The following CACNA2D4 variants were observed in gnomAD, a reference collection of about 807,000 sequenced individuals.
CACNA2D4 encodes the protein calcium voltage-gated channel auxiliary subunit alpha2delta 4.
Under a neutral mutation model 163.8 loss-of-function variants are expected in CACNA2D4, and 157 were observed. The observed-to-expected ratio is 0.96, with a 90% CI of 0.84 to 1.09. The LOEUF (loss-of-function observed/expected upper bound fraction) is 1.09, where lower values mean the gene tolerates loss of function less well. CACNA2D4 is among the 50% of genes least tolerant of loss of function. The pLI, the probability that CACNA2D4 is intolerant of heterozygous loss-of-function variation, is 0.00. For missense variants in CACNA2D4, 1,410 were observed against 1,479.9 expected (o/e 0.95, Z 0.78); for synonymous variants, 598 against 586.9 (o/e 1.02, Z -0.27).
intron 37 of CACNA2D4, chr12:1,795,057 A>G: frequency 1.7e-6 from 1 of 580,986 alleles, no homozygotes; most frequent in Non-Finnish European, 3.1e-6. Context: ...CTATCACCCT[A>G]ATCAGGAAAT....
At chr12:1,846,097 G>A (rs185999864) in intron 24 of CACNA2D4, among the ~76,000 whole-genome samples, 104 of 152,214 alleles carry the variant, frequency 6.8e-4, no homozygotes, top group Middle Eastern at 3.4e-3. Flanking sequence ...AAGGCACTGC[G>A]GGGTGAGCAC....
rs573215790 is a variant in CACNA2D4, at chr12:1,794,897, GT to G, written c.3309+401del. On this transcript the variant is annotated intron_variant, in intron 37 of 37. Coordinates refer to ENST00000382722, the MANE Select transcript of CACNA2D4 (RefSeq NM_172364.5). Reference sequence around the variant, plus strand: ...CCCAACCCTCTAATCCTAACTTGGTGTTTCCTGTGGCCAGCTCTCATCCTGT... The same window carrying G: ...CCCAACCCTCTAATCCTAACTTGGTGTTCCTGTGGCCAGCTCTCATCCTGT... Among the ~76,000 whole-genome samples, 33 of 152,168 alleles carry G rather than the reference GT, an allele frequency of 2.2e-4. 2 individuals are homozygous for G. In the South Asian group the frequency reaches 6.8e-3, roughly 32 times the overall value.
In CACNA2D4 at chr12:1,834,259, G is replaced by A; in HGVS notation, c.2551+6480C>T. ...TGGTCAGCCCCTCTTTTTCTCTTCT[G>A]CATGTAGGGGGACGCTTGGACCAGC... On this transcript the variant is annotated intron_variant, in intron 26 of 37. Transcript: ENST00000382722. This position sits in a 1 kb window ranked among gnomAD's most constrained non-coding sequence, Gnocchi z 7.6. The A allele has an allele frequency of 1.3e-6, 2 of 1,550,834 alleles. No individual in the cohort carries two copies. Among genetic ancestry groups the A allele is most frequent in the Non-Finnish European group, 1.7e-6 (2 of 1,146,576 alleles).
chr12:1,799,725 G>A lies in CACNA2D4; in HGVS notation c.2975-30C>T, dbSNP rs1863246471. On this transcript the variant is annotated intron_variant, in intron 33 of 37. Transcript: ENST00000382722. This position sits in a 1 kb window ranked among gnomAD's most constrained non-coding sequence, Gnocchi z 4.7. ...CCGGAACATAAGCCCAGCACAGGGT[G>A]GACACGGCACAGGAAAACATGGTGG... 1.3e-6 allele frequency: 2 copies of A among 1,566,484 alleles called. No homozygotes were observed. Among genetic ancestry groups the A allele is most frequent in the African/African-American group, 2.7e-5 (2 of 73,634 alleles).
At chr12:1,872,546 G>A (rs1011878130) in intron 18 of CACNA2D4, among the ~76,000 whole-genome samples, 1 of 152,208 alleles carries the variant, frequency 6.6e-6, no homozygotes, top group Non-Finnish European at 1.5e-5. Context: ...ACACACCACT[G>A]AGCTGAGAGG....
In CACNA2D4 at chr12:1,884,930, C is replaced by A. The variant is rs774802601; in HGVS notation, c.1159-49G>T. The stretch of plus-strand genomic sequence containing the variant: ...ATGACCACAGGCCAAGCCCACCCCC[C>A]TCCACCTGCCGCCTTCCTCCCAGTC... On this transcript the variant is annotated intron_variant, in intron 10 of 37. Transcript: ENST00000382722. 4.4e-6 allele frequency: 7 copies of A among 1,602,576 alleles called. No homozygotes were observed. The Admixed American group carries it at 6.7e-5, about 15-fold the overall frequency.
intron 26 of CACNA2D4, among the ~76,000 whole-genome samples, chr12:1,815,076 G>C (rs1334227399): frequency 6.6e-6 from 1 of 152,174 alleles, no homozygotes; most frequent in Non-Finnish European, 1.5e-5. Flanking sequence ...ATTTCTAGTA[G>C]AGATGGGGTT....
At chr12:1,860,299 AC>A in intron 18 of CACNA2D4, 93 bp from the exon 19 acceptor site, 1 of 884,626 alleles carries the variant, frequency 1.1e-6, no homozygotes, top group Admixed American at 1.9e-5. Flanking sequence ...CTTCATCGTC[AC>A]TGTACAGTCC....
rs1435169866 is a variant in CACNA2D4 at position 1,884,258 on chromosome 12, C to T, written c.1336G>A (p.Ala446Thr). The T allele has an allele frequency of 9.9e-6, 16 of 1,612,190 alleles. No individual in the cohort carries two copies. The highest frequency in any genetic ancestry group is 1.4e-5 in the Non-Finnish European group (16 of 1,179,388). ...CGGCACTCACCTTTGTTGTTGCATG[C>T]AATCCACTTCATGCGGTCAGCAAAA... ...VSFADRMKWI[A>T]CNNKGYYTQI... Residue 446 changes from alanine (A) to threonine (T), a missense_variant, in exon 12 of 38, where the codon GCA (alanine) becomes ACA (threonine). Transcript: ENST00000382722.
chr12:1,816,223 T>C (rs1249098733), intron 26 of CACNA2D4, among the ~76,000 whole-genome samples: 2 of 152,196 alleles, frequency 1.3e-5, no homozygotes, highest in Non-Finnish European at 2.9e-5. Flanking sequence ...TATGATATTA[T>C]GTTTGCAGAC....
In CACNA2D4 at chr12:1,879,028, A is replaced by ATGG; in HGVS notation, c.1569_1571dup (p.His524dup). 6.2e-7 allele frequency: 1 copy of ATGG among 1,613,694 alleles called. No homozygotes were observed. Among genetic ancestry groups the ATGG allele is most frequent in the Non-Finnish European group, 8.5e-7 (1 of 1,179,706 alleles). On this transcript the variant is annotated inframe_insertion, in exon 15 of 38. Transcript: ENST00000382722. ...AGCCCACCACACCCAGGAGAATGCCATGGGATCGCTGGAAGGAAAGACACA... is the reference window on the plus strand; with the variant it reads ...AGCCCACCACACCCAGGAGAATGCCATGGTGGGATCGCTGGAAGGAAAGACACA...
chr12:1,886,725 G>A (rs1257707859), intron 7 of CACNA2D4, among the ~76,000 whole-genome samples: 2 of 152,364 alleles, frequency 1.3e-5, no homozygotes, highest in East Asian at 3.9e-4. Flanking sequence ...GGGTGTGGAA[G>A]GAGAGGAGAG....
At chr12:1,891,263 C>T (rs1025940009) in intron 6 of CACNA2D4, among the ~76,000 whole-genome samples, 3 of 152,194 alleles carry the variant, frequency 2.0e-5, no homozygotes, top group African/African-American at 4.8e-5. Flanking sequence ...AAAAACTTCA[C>T]CACAGCCTCC....
At chr12:1,809,466 G>A in intron 29 of CACNA2D4, 1 of 693,634 alleles carries the variant, frequency 1.4e-6, no homozygotes, top group South Asian at 1.5e-5. Flanking sequence ...CAGGCAGGAG[G>A]CGGTTCTGAT....
chr12:1,818,687 T>TTATC (rs1274815619), intron 26 of CACNA2D4, among the ~76,000 whole-genome samples: 1 of 149,062 alleles, frequency 6.7e-6, no homozygotes, highest in African/African-American at 2.5e-5. Flanking sequence ...GTTCACTTGT[T>TTATC]TATCTGCTGA....
chr12:1,881,204 A>C (rs1592730817), intron 13 of CACNA2D4, among the ~76,000 whole-genome samples: 1 of 152,290 alleles, frequency 6.6e-6, no homozygotes. Flanking sequence ...ACAGGTGTAA[A>C]AGTGAAGATC....
At position 1,909,828 on chromosome 12, in the gene CACNA2D4, C is replaced by T; in HGVS notation, c.486+78G>A. 3 of 1,286,480 alleles carry T rather than the reference C, an allele frequency of 2.3e-6. No homozygotes were observed. The South Asian group carries it at 3.7e-5, about 16-fold the overall frequency. The allele number at this position is 1,286,480 out of a possible 1,614,324, so 79.7% of individuals were successfully genotyped here. A position where few individuals can be genotyped will look rare whatever the true frequency, so the allele number is the denominator to read the frequency against. The stretch of plus-strand genomic sequence containing the variant: ...TCAGTGGATCGCCACCCTACGCCGC[C>T]ACCCTATGCCGCCACCCCCATATCT... On this transcript the variant is annotated intron_variant, in intron 4 of 37. Coordinates refer to ENST00000382722, the MANE Select transcript of CACNA2D4 (RefSeq NM_172364.5).
chr12:1,803,093 C>T (rs1863394665), intron 29 of CACNA2D4, among the ~76,000 whole-genome samples: 1 of 152,162 alleles, frequency 6.6e-6, no homozygotes, highest in African/African-American at 2.4e-5. Flanking sequence ...TGATAACTAC[C>T]AATAAAAAGA....
chr12:1,800,999 A>ACTGG (rs774973847), intron 31 of CACNA2D4, 44 bp downstream of exon 31: 15 of 1,568,842 alleles, frequency 9.6e-6, no homozygotes, highest in African/African-American at 1.4e-5. Context: ...AGGGCAGAGG[A>ACTGG]CTGGCTGGCT....
Sources: gnomAD v4.1 joint callset for allele counts (sites outside exome capture counted in the v4.1 genomes callset) on GRCh38, gnomAD v4.1.1 for gene constraint, Gnocchi (gnomAD v3.1) non-coding constraint, MANE v1.5 for transcripts, NCBI Gene and HGNC (gene_info 2026-07-23, HGNC 2026-07-21) for gene names.